The following MYO16 variants were observed in gnomAD, a reference collection of about 807,000 sequenced individuals.
The protein encoded by MYO16 is unconventional myosin-XVI.
A neutral mutation model predicts 205.3 loss-of-function variants in MYO16; 94 were observed. The observed-to-expected ratio is 0.46, with a 90% CI of 0.39 to 0.54. MYO16 has a LOEUF of 0.54. MYO16 is among the 20% of genes least tolerant of loss of function. The pLI, the probability that MYO16 is intolerant of heterozygous loss-of-function variation, is 0.00. For synonymous variants in MYO16, 988 were observed against 954.0 expected, an observed-to-expected ratio of 1.04 and a Z score of -0.66; for missense variants, 2,315 against 2,387.5, an observed-to-expected ratio of 0.97 and a Z score of 0.63.
intron 16 of MYO16, among the ~76,000 whole-genome samples, chr13:108,920,160 G>C (rs7991810): frequency 1 from 152,033 of 152,336 alleles, 75,865 homozygotes; most frequent in Middle Eastern, 1. Context: ...CTTACCTTAC[G>C]TTGAAGGACC....
chr13:108,826,897 G>T (rs974586098), intron 9 of MYO16, among the ~76,000 whole-genome samples: 1 of 152,152 alleles, frequency 6.6e-6, no homozygotes, highest in South Asian at 2.1e-4. Context: ...GTGTTGGCAA[G>T]GATGTGGAGG....
intron 27 of MYO16, among the ~76,000 whole-genome samples, chr13:109,100,143 T>A (rs2139710615): frequency 6.6e-6 from 1 of 152,356 alleles, no homozygotes; most frequent in East Asian, 1.9e-4. Context: ...ATAGATTTTT[T>A]TTAAATGGAT....
chr13:108,982,773 A>G (rs560494392), intron 20 of MYO16, among the ~76,000 whole-genome samples: 27 of 152,318 alleles, frequency 1.8e-4, no homozygotes, highest in Admixed American at 3.3e-4. Context: ...GGTTTAGCCT[A>G]CATATCTCTT....
At chr13:108,943,346 C>A (rs1882805761) in intron 16 of MYO16, among the ~76,000 whole-genome samples, 1 of 152,170 alleles carries the variant, frequency 6.6e-6, no homozygotes, top group Non-Finnish European at 1.5e-5. Flanking sequence ...TTTCATTAGA[C>A]CCTACGACGA....
chr13:108,706,078 C>T (rs901088913), intron 2 of MYO16, among the ~76,000 whole-genome samples: 1 of 152,126 alleles, frequency 6.6e-6, no homozygotes, highest in African/African-American at 2.4e-5. Flanking sequence ...TGACTCATAG[C>T]TGATGCACAT....
chr13:109,024,709 G>A (rs1886304452), intron 23 of MYO16, among the ~76,000 whole-genome samples: 1 of 152,062 alleles, frequency 6.6e-6, no homozygotes, highest in East Asian at 1.9e-4. Context: ...TTTTTCTCAT[G>A]GGAGTCAGTT....
chr13:109,141,287 GC>G lies in MYO16; in HGVS notation c.5080del (p.Leu1694TrpfsTer34). On this transcript the variant is annotated frameshift_variant, in exon 32 of 35. Transcript: ENST00000457511. LOFTEE classifies it high-confidence loss of function. The surrounding 1 kb of genome is among the most constrained non-coding windows in gnomAD (Gnocchi z 4.1). ...YSPPSSRPLS[S>X]PLDELASLFN... is the part of the protein sequence containing the mutation. ...CCTCCCAGCTCCAGGCCTCTCAGCA[GC>G]CCCCTGGACGAGCTCGCCAGCCTCT... The G allele has an allele frequency of 1.3e-6, 2 of 1,598,378 alleles. No homozygotes were observed. Among genetic ancestry groups the G allele is most frequent in the East Asian group, 2.3e-5 (1 of 42,706 alleles).
At chr13:109,027,681 G>T (rs192402570) in intron 23 of MYO16, among the ~76,000 whole-genome samples, 1 of 152,224 alleles carries the variant, frequency 6.6e-6, no homozygotes, top group Admixed American at 6.5e-5. Flanking sequence ...ATATAATTAT[G>T]AGCCTCATAA....
intron 5 of MYO16, among the ~76,000 whole-genome samples, chr13:108,792,527 TTGA>T (rs1886647450): frequency 1.3e-5 from 2 of 151,004 alleles, no homozygotes; most frequent in Non-Finnish European, 2.9e-5. Context: ...TTTTTTTTTT[TTGA>T]GATGGAGTTT....
intron 16 of MYO16, among the ~76,000 whole-genome samples, chr13:108,927,450 C>G (rs1159611226): frequency 6.6e-6 from 1 of 152,140 alleles, no homozygotes; most frequent in Non-Finnish European, 1.5e-5. Context: ...CCTTGATTCT[C>G]ACATGCCCTG....
At chr13:108,868,174 T>C (rs992444369) in intron 12 of MYO16, among the ~76,000 whole-genome samples, 2 of 152,266 alleles carry the variant, frequency 1.3e-5, no homozygotes, top group African/African-American at 4.8e-5. Context: ...AAGAGTGGAA[T>C]TGGTACATCA....
rs546763278 is a variant in MYO16 at position 108,607,242 on chromosome 13, T to C, written c.-39+11003T>C. 2.0e-5 allele frequency among the ~76,000 whole-genome samples: 3 copies of C among 152,270 alleles called. No homozygotes were observed. The East Asian group carries it at 5.8e-4, about 29-fold the overall frequency. On this transcript the variant is annotated intron_variant, in intron 1 of 24. Coordinates refer to the MYO16 transcript ENST00000251041. ...GAACTGTTGGGAAAGCATAACTGTG[T>C]TTTGAAACGTGAGAAATATGAGATT... is the stretch of plus-strand genomic sequence containing the variant.
At chr13:108,564,719 T>G in the MYO16 span, among the ~76,000 whole-genome samples, 1 of 152,172 alleles carries the variant, frequency 6.6e-6, no homozygotes, top group Non-Finnish European at 1.5e-5. Context: ...CTCAAGAAAT[T>G]TTTGCCCAGA....
chr13:108,990,517 A>G (rs1884792397), intron 20 of MYO16, among the ~76,000 whole-genome samples: 1 of 85,942 alleles, frequency 1.2e-5, no homozygotes, highest in Non-Finnish European at 2.7e-5. Flanking sequence ...CTGAAATCAG[A>G]AAAAAAAATT....
At position 109,141,130 on chromosome 13, in the gene MYO16, C is replaced by G; in HGVS notation, c.4918C>G (p.Pro1640Ala). The change falls in exon 32 of 35, where the codon CCA becomes GCA. Residue 1640 changes from proline (P) to alanine (A), a missense_variant. By Grantham distance (27) the Pro-to-Ala change is conservative. Coordinates refer to ENST00000457511, the MANE Select transcript of MYO16 (RefSeq NM_001198950.3). This position sits in a 1 kb window ranked among gnomAD's most constrained non-coding sequence, Gnocchi z 4.1. ...GAGCGCAGAGGCGCCCAAGGTTCACCCAAAGCCAAACTCTGCCCCCGTGGC... is the reference window on the plus strand; with the variant it reads ...GAGCGCAGAGGCGCCCAAGGTTCACGCAAAGCCAAACTCTGCCCCCGTGGC... The part of the protein sequence containing the change: ...GPSAEAPKVH[P>A]KPNSAPVAGP... 1 of 1,589,832 alleles carries G rather than the reference C, an allele frequency of 6.3e-7. No individual in the cohort carries two copies. The highest frequency in any genetic ancestry group is 8.6e-7 in the Non-Finnish European group (1 of 1,168,782).
intron 2 of MYO16, among the ~76,000 whole-genome samples, chr13:108,710,792 AATATT>A (rs1486403782): frequency 1.3e-5 from 2 of 152,204 alleles, no homozygotes; most frequent in Non-Finnish European, 2.9e-5. Flanking sequence ...GCATTTTACT[AATATT>A]ATAACATGAT....
chr13:109,065,840 T>A (rs1386186769), intron 27 of MYO16, among the ~76,000 whole-genome samples: 8 of 152,186 alleles, frequency 5.3e-5, no homozygotes, highest in Non-Finnish European at 1.2e-4. Flanking sequence ...TTTAAAGGAT[T>A]ATTTATGGTT....
Position 109,207,100 on chromosome 13 carries a change from T to C in MYO16, c.*264T>C. ...TTTACGGCTCTGTGCTACCCCTAGGTAGCAAGAGAGAGGCTGGGAAAAGTG... is the reference window on the plus strand; with the variant it reads ...TTTACGGCTCTGTGCTACCCCTAGGCAGCAAGAGAGAGGCTGGGAAAAGTG... On this transcript the variant is annotated 3_prime_UTR_variant, in exon 35 of 35. Transcript: ENST00000457511. The C allele has an allele frequency of 2.4e-6, 1 of 412,548 alleles. No individual in the cohort carries two copies. Among genetic ancestry groups the C allele is most frequent in the South Asian group, 3.1e-5 (1 of 31,852 alleles). The allele number at this position is 412,548 out of a possible 1,614,324, so 25.6% of individuals were successfully genotyped here.
intron 20 of MYO16, among the ~76,000 whole-genome samples, chr13:108,973,068 G>A (rs1358568748): frequency 6.6e-6 from 1 of 152,014 alleles, no homozygotes; most frequent in African/African-American, 2.4e-5. Flanking sequence ...AAACAGGAAT[G>A]AAAGCTCAAG....
Sources: allele counts gnomAD v4.1 joint callset (sites outside exome capture counted in the v4.1 genomes callset), GRCh38; gene constraint gnomAD v4.1.1; non-coding constraint Gnocchi (gnomAD v3.1); transcripts MANE v1.5; gene names NCBI Gene and HGNC (gene_info 2026-07-23, HGNC 2026-07-21).